The following NCALD variants were observed in gnomAD, a reference collection of about 807,000 sequenced individuals.
The protein encoded by NCALD is neurocalcin delta.
In NCALD, 10 loss-of-function variants were observed where a neutral mutation model predicts 18.6. That is an observed-to-expected ratio of 0.54 (90% confidence interval 0.33 to 0.91). The LOEUF (loss-of-function observed/expected upper bound fraction) is 0.91. Ranked by LOEUF, NCALD falls within the 40% of genes least tolerant of loss-of-function variation. NCALD has a pLI of 0.03. For missense variants in NCALD, 184 were observed against 247.6 expected, an observed-to-expected ratio of 0.74 and a Z score of 1.72; for synonymous variants, 88 against 87.4, an observed-to-expected ratio of 1.01 and a Z score of -0.04.
chr8:101,972,483 A>G (rs569772979), intron 2 of NCALD, among the ~76,000 whole-genome samples: 3 of 152,212 alleles, frequency 2.0e-5, no homozygotes, highest in Non-Finnish European at 4.4e-5. Flanking sequence ...CCTTGATGAG[A>G]ATAACATGGC....
intron 2 of NCALD, among the ~76,000 whole-genome samples, chr8:101,695,829 TA>T (rs1217667252): frequency 6.6e-6 from 1 of 152,174 alleles, no homozygotes; most frequent in Non-Finnish European, 1.5e-5. Flanking sequence ...GGGTCTTGAA[TA>T]CAGTCAACTT....
chr8:101,729,454 A>T (rs1371657645), intron 1 of NCALD, among the ~76,000 whole-genome samples: 1 of 152,212 alleles, frequency 6.6e-6, no homozygotes, highest in Non-Finnish European at 1.5e-5. Context: ...GAATTGCCCG[A>T]AATATGTTAC....
At chr8:101,933,103 T>C (rs1325539042) in intron 2 of NCALD, among the ~76,000 whole-genome samples, 1 of 152,218 alleles carries the variant, frequency 6.6e-6, no homozygotes, top group Non-Finnish European at 1.5e-5. Context: ...TACCCTGACC[T>C]AGGATCATGG....
chr8:101,942,110 C>T (rs191913750), intron 2 of NCALD, among the ~76,000 whole-genome samples: 80 of 152,268 alleles, frequency 5.3e-4, no homozygotes, highest in African/African-American at 1.8e-3. Flanking sequence ...TCTCACTTAA[C>T]ATCATTCATT....
chr8:101,934,963 G>A (rs1164803860), intron 2 of NCALD, among the ~76,000 whole-genome samples: 1 of 152,064 alleles, frequency 6.6e-6, no homozygotes, highest in African/African-American at 2.4e-5. Context: ...GGGGTAAGCT[G>A]GCTGGGAAGA....
At chr8:101,931,583 A>T (rs1294727317) in intron 2 of NCALD, among the ~76,000 whole-genome samples, 1 of 152,132 alleles carries the variant, frequency 6.6e-6, no homozygotes, top group African/African-American at 2.4e-5. Context: ...CATATTTCCT[A>T]TAACAGATGT....
At chr8:101,695,977 CTCTTT>C (rs996289696) in intron 2 of NCALD, among the ~76,000 whole-genome samples, 1 of 151,658 alleles carries the variant, frequency 6.6e-6, no homozygotes, top group African/African-American at 2.4e-5. Flanking sequence ...TTTTAGTTTC[CTCTTT>C]TCTTTTTCTT....
At chr8:101,832,881 T>C (rs1242313281) in intron 4 of NCALD, among the ~76,000 whole-genome samples, 1 of 152,346 alleles carries the variant, frequency 6.6e-6, no homozygotes, top group African/African-American at 2.4e-5. Flanking sequence ...AATTACCATG[T>C]CAGCCCCTGT....
intron 2 of NCALD, among the ~76,000 whole-genome samples, chr8:101,974,980 A>G (rs1391222034): frequency 1.3e-5 from 2 of 152,234 alleles, no homozygotes; most frequent in Admixed American, 6.5e-5. Context: ...ACACCATAGA[A>G]CATTTGAGCA....
chr8:101,998,327 G>A (rs1821313968), intron 2 of NCALD, among the ~76,000 whole-genome samples: 1 of 152,076 alleles, frequency 6.6e-6, no homozygotes, highest in Non-Finnish European at 1.5e-5. Flanking sequence ...AATTTGGGGG[G>A]CTCAATTGCA....
At chr8:101,872,234 C>A (rs998146033) in intron 4 of NCALD, 1 of 1,460,052 alleles carries the variant, frequency 6.8e-7, no homozygotes, top group Non-Finnish European at 9.6e-7. Flanking sequence ...GCTTTGGTAA[C>A]TTCTTGAACA....
chr8:102,018,765 C>T (rs971695784), intron 2 of NCALD, among the ~76,000 whole-genome samples: 6 of 152,130 alleles, frequency 3.9e-5, no homozygotes, highest in African/African-American at 1.4e-4. Context: ...CCAAAATAGA[C>T]ACATAGTGCT....
intron 2 of NCALD, among the ~76,000 whole-genome samples, chr8:101,916,766 A>AT (rs1817983343): frequency 6.6e-6 from 1 of 152,170 alleles, no homozygotes; most frequent in Non-Finnish European, 1.5e-5. Flanking sequence ...AAAGAAGAGC[A>AT]TTATGTAATG....
chr8:102,048,294 C>G (rs1823318793), intron 1 of NCALD, among the ~76,000 whole-genome samples: 1 of 152,144 alleles, frequency 6.6e-6, no homozygotes, highest in South Asian at 2.1e-4. Context: ...GAAAATATAA[C>G]TCAGTAAAGG....
rs548011453 is a variant in NCALD, at chr8:102,118,696, C to G, written c.-210+5541G>C. Among the ~76,000 whole-genome samples the G allele has an allele frequency of 2.0e-5, 3 of 151,760 alleles. No individual in the cohort carries two copies. The South Asian group carries it at 6.2e-4, about 32-fold the overall frequency. On this transcript the variant is annotated intron_variant, in intron 1 of 6. Coordinates refer to the NCALD transcript ENST00000311028. ...TGTGGGGAAAACTATTATGTTCTCT[C>G]ATCTAAATAATTAAAATAACTTCTC...
chr8:101,728,626 C>T (rs1304254010), intron 1 of NCALD, among the ~76,000 whole-genome samples: 2 of 152,140 alleles, frequency 1.3e-5, no homozygotes, highest in Non-Finnish European at 2.9e-5. Context: ...CGAGACCATC[C>T]TGGCTAACAC....
At chr8:101,753,240 TG>T (rs1169138895) in intron 1 of NCALD, among the ~76,000 whole-genome samples, 2 of 152,110 alleles carry the variant, frequency 1.3e-5, no homozygotes, top group African/African-American at 4.8e-5. Context: ...TATAAAGGGC[TG>T]ACTGGTGGAT....
At chr8:101,706,477 A>G (rs79823759) in intron 2 of NCALD, among the ~76,000 whole-genome samples, 3,931 of 152,302 alleles carry the variant, frequency 0.026, 133 homozygotes, top group African/African-American at 0.078. Flanking sequence ...CATCCATAAA[A>G]TTGGGCTAAT....
intron 4 of NCALD, among the ~76,000 whole-genome samples, chr8:101,880,950 G>T (rs2077905258): frequency 6.6e-6 from 1 of 152,124 alleles, no homozygotes; most frequent in African/African-American, 2.4e-5. Flanking sequence ...GTCATGAAAA[G>T]GACTTAGAAC....
Sources: allele counts gnomAD v4.1 joint callset (sites outside exome capture counted in the v4.1 genomes callset), GRCh38; gene constraint gnomAD v4.1.1; transcripts MANE v1.5; gene names NCBI Gene and HGNC (gene_info 2026-07-23, HGNC 2026-07-21).